ASS1: variants seen among roughly 807,000 people sequenced by gnomAD.
ASS1 encodes argininosuccinate synthase 1.
ASS1 carries 58 observed loss-of-function variants against 60.5 expected under a neutral mutation model. The observed-to-expected ratio is 0.96, with a 90% CI of 0.78 to 1.19. ASS1 has a LOEUF of 1.19. ASS1 is among the 50% of genes most tolerant of loss of function. The pLI is 0.00. For missense variants in ASS1, 454 were observed against 547.3 expected, an observed-to-expected ratio of 0.83 and a Z score of 1.70; for synonymous variants, 200 against 206.9, an observed-to-expected ratio of 0.97 and a Z score of 0.29.
intron 10 of ASS1, 41 bp from the exon 11 acceptor site, chr9:130,480,344 T>C (rs373782570): frequency 7.4e-6 from 12 of 1,613,224 alleles, no homozygotes; most frequent in South Asian, 1.1e-5. Flanking sequence ...CTCTGAGCCT[T>C]GCGGTAGCGC....
intron 5 of ASS1, among the ~76,000 whole-genome samples, chr9:130,466,105 C>T (rs906258601): frequency 6.6e-6 from 1 of 152,318 alleles, no homozygotes; most frequent in East Asian, 1.9e-4. Flanking sequence ...GACATCTCCA[C>T]CCCCACACAC....
chr9:130,474,003 C>T (rs1845942286), intron 8 of ASS1, among the ~76,000 whole-genome samples: 1 of 125,144 alleles, frequency 8.0e-6, no homozygotes, highest in African/African-American at 2.7e-5. Flanking sequence ...CGCCCTCTCC[C>T]CCTAGCCCCC....
At chr9:130,455,293 C>A (rs1233840348) in intron 3 of ASS1, among the ~76,000 whole-genome samples, 1 of 151,952 alleles carries the variant, frequency 6.6e-6, no homozygotes, top group African/African-American at 2.4e-5. Flanking sequence ...ATTCACCCAT[C>A]CATCCCTTCA....
Position 130,466,815 on chromosome 9 carries a change from C to T in ASS1, c.495+16C>T. The T allele has an allele frequency of 6.2e-7, 1 of 1,612,938 alleles. No homozygotes were observed. Among genetic ancestry groups the T allele is most frequent in the Non-Finnish European group, 8.5e-7 (1 of 1,179,018 alleles). On this transcript the variant is annotated intron_variant, in intron 6 of 14. Coordinates refer to ENST00000352480, the MANE Select transcript of ASS1 (RefSeq NM_054012.4). Reference sequence around the variant, plus strand: ...GTACGCAAAGGTATGGCCGAGTCTCCCCACCACCCCCAACCTTTCCCTATA... The same window carrying T: ...GTACGCAAAGGTATGGCCGAGTCTCTCCACCACCCCCAACCTTTCCCTATA...
At chr9:130,500,153 C>A (rs1304064403) in intron 14 of ASS1, among the ~76,000 whole-genome samples, 1 of 152,198 alleles carries the variant, frequency 6.6e-6, no homozygotes, top group Non-Finnish European at 1.5e-5. Context: ...TAGACCCTGG[C>A]ATGCAGGAAG....
At position 130,471,260 on chromosome 9, in the gene ASS1, G is replaced by T. The variant is rs1845859675; in HGVS notation, c.567-225G>T. Among the ~76,000 whole-genome samples, 2 of 152,200 alleles carry T rather than the reference G, an allele frequency of 1.3e-5. 1 individual carries two copies. The highest frequency in any genetic ancestry group is 4.1e-4 in the South Asian group (2 of 4,834). ...CCCCAACCACGTGCAGAGCCCCGGG[G>T]CAGTCCCCAGAAGACAGGTAAAGGC... On this transcript the variant is annotated intron_variant, in intron 7 of 14. Transcript: ENST00000352480.
intron 11 of ASS1, among the ~76,000 whole-genome samples, chr9:130,482,138 C>T (rs1222840039): frequency 6.6e-6 from 1 of 152,102 alleles, no homozygotes; most frequent in African/African-American, 2.4e-5. Context: ...GGACTGCCAT[C>T]TGGGCCCAGA....
chr9:130,499,421 G>A lies in ASS1; in HGVS notation c.1128-84G>A, dbSNP rs1588512767. ...GGAAATGCCCTGGCATCTGGGAGGT[G>A]GGGCTGCTTCTGGCCCCAGCAGTCC... On this transcript the variant is annotated intron_variant, in intron 13 of 14. Coordinates refer to ENST00000352480, the MANE Select transcript of ASS1 (RefSeq NM_054012.4). The A allele has an allele frequency of 6.7e-5, 94 of 1,406,628 alleles. No individual in the cohort carries two copies. The East Asian group carries it at 2.2e-3, about 33-fold the overall frequency. 87.1% of individuals were successfully genotyped at this position (1,406,628 alleles called of 1,614,324 possible).
rs1588492971 is a variant in ASS1, at chr9:130,477,326, G to C, written c.688+365G>C. ...CTGCTGTTTTCCTGGGGTAGAATGA[G>C]GCCTGCAAGGGAGCGTCCAGCCCTG... On this transcript the variant is annotated intron_variant, in intron 9 of 14. Transcript: ENST00000352480. The surrounding 1 kb of genome is among the most constrained non-coding windows in gnomAD (Gnocchi z 4.2). Among the ~76,000 whole-genome samples, 1 of 152,282 alleles carries C rather than the reference G, an allele frequency of 6.6e-6. No individual in the cohort carries two copies. The highest frequency in any genetic ancestry group is 2.4e-5 in the African/African-American group (1 of 41,542).
intron 13 of ASS1, 116 bp from the exon 14 acceptor site, chr9:130,499,389 A>T: frequency 1.8e-6 from 2 of 1,094,466 alleles, no homozygotes; most frequent in Non-Finnish European, 2.7e-6. Context: ...GTTTGGACCC[A>T]CACAGGGGAA....
rs1003947763 is a variant in ASS1 at position 130,475,470 on chromosome 9, G to A, written c.598-1401G>A. ...GCTTCCCCAAGGCCCCCCAGCCTGA[G>A]CTCTTGATCCTGGCACGGGGTAATG... is the stretch of plus-strand genomic sequence containing the variant. On this transcript the variant is annotated intron_variant, in intron 8 of 14. Transcript: ENST00000352480. Among the ~76,000 whole-genome samples the A allele has an allele frequency of 7.2e-5, 11 of 152,218 alleles. 1 individual carries two copies. Among genetic ancestry groups the A allele is most frequent in the African/African-American group, 2.7e-4 (11 of 41,460 alleles).
At chr9:130,464,467 A>G (rs929000519) in intron 5 of ASS1, among the ~76,000 whole-genome samples, 1 of 152,002 alleles carries the variant, frequency 6.6e-6, no homozygotes, top group Admixed American at 6.6e-5. Context: ...GTGGGCAGGC[A>G]TGGCTCTGGC....
chr9:130,470,823 C>G lies in ASS1; in HGVS notation c.496-11C>G. 6.2e-7 allele frequency: 1 copy of G among 1,614,004 alleles called. No homozygotes were observed. Among genetic ancestry groups the G allele is most frequent in the Non-Finnish European group, 8.5e-7 (1 of 1,179,906 alleles). Reference sequence around the variant, plus strand: ...CGCCTTACCTCCACCTGTGCTGTCTCTTTCCTGCAGCAACACGGGATTCCC... The same window carrying G: ...CGCCTTACCTCCACCTGTGCTGTCTGTTTCCTGCAGCAACACGGGATTCCC... On this transcript the variant is annotated splice_polypyrimidine_tract_variant and intron_variant, in intron 6 of 14. Coordinates refer to ENST00000352480, the MANE Select transcript of ASS1 (RefSeq NM_054012.4). This position sits in a 1 kb window ranked among gnomAD's most constrained non-coding sequence, Gnocchi z 4.3.
chr9:130,500,938 T>G, intron 14 of ASS1, 38 bp from the exon 15 acceptor site: 1 of 1,605,746 alleles, frequency 6.2e-7, no homozygotes, highest in African/African-American at 1.3e-5. Flanking sequence ...TTGTTATTGT[T>G]AATTTACATT....
intron 14 of ASS1, 38 bp downstream of exon 14, chr9:130,499,608 C>T: frequency 2.5e-6 from 4 of 1,589,336 alleles, no homozygotes; most frequent in Non-Finnish European, 3.4e-6. Context: ...TTCAGAGCCT[C>T]CAGGTGTAAA....
Position 130,475,743 on chromosome 9 carries a change from T to G in ASS1, c.598-1128T>G, listed in dbSNP as rs928664678. Among the ~76,000 whole-genome samples, 50 of 137,798 alleles carry G rather than the reference T, an allele frequency of 3.6e-4. 1 individual carries two copies. The highest frequency in any genetic ancestry group is 1.3e-3 in the African/African-American group (48 of 38,368). 90.4% of individuals were successfully genotyped at this position (137,798 alleles called of 152,430 possible). On this transcript the variant is annotated intron_variant, in intron 8 of 14. Transcript: ENST00000352480. Reference sequence around the variant, plus strand: ...CAATACGTGAATGTGTGCAAGGTGTTTTTTTTTTTTTTTTTTTTGGTGGGG... The same window carrying G: ...CAATACGTGAATGTGTGCAAGGTGTGTTTTTTTTTTTTTTTTTTGGTGGGG...
intron 11 of ASS1, among the ~76,000 whole-genome samples, chr9:130,485,555 C>T (rs1300673281): frequency 2.0e-5 from 3 of 152,116 alleles, no homozygotes; most frequent in African/African-American, 4.8e-5. Context: ...AGCAGGGAGG[C>T]GGGCCTGGGT....
chr9:130,490,698 C>T (rs531761696), intron 12 of ASS1, among the ~76,000 whole-genome samples: 61 of 152,252 alleles, frequency 4.0e-4, no homozygotes, highest in African/African-American at 1.2e-3. Flanking sequence ...CAAGTGTTGC[C>T]GGGCACGGTG....
intron 8 of ASS1, among the ~76,000 whole-genome samples, chr9:130,475,902 G>A (rs376404634): frequency 5.9e-5 from 9 of 152,122 alleles, no homozygotes; most frequent in Middle Eastern, 3.4e-3. Context: ...GACTACAGGC[G>A]CATGCCGCCA....
Sources: allele counts gnomAD v4.1 joint callset (sites outside exome capture counted in the v4.1 genomes callset), GRCh38; gene constraint gnomAD v4.1.1; non-coding constraint Gnocchi (gnomAD v3.1); transcripts MANE v1.5; gene names NCBI Gene and HGNC (gene_info 2026-07-23, HGNC 2026-07-21).